The following DCC variants were observed in gnomAD, a reference collection of about 807,000 sequenced individuals.
The protein encoded by DCC is DCC netrin 1 receptor, also known as netrin receptor DCC.
DCC carries 58 observed loss-of-function variants against 172.5 expected under a neutral mutation model. That is an observed-to-expected ratio of 0.34 (90% CI 0.27 to 0.42). DCC has a LOEUF of 0.42. DCC is among the 10% of genes least tolerant of loss of function. The probability of loss-of-function intolerance (pLI) is 1.00; values close to 1 mark genes in which losing one functional copy is unlikely to be tolerated. For synonymous variants in DCC, 709 were observed against 644.5 expected (o/e 1.10, Z -1.52); for missense variants, 1,740 against 1,791.0 (o/e 0.97, Z 0.51).
At chr18:52,718,467 T>C (rs1268148096) in intron 1 of DCC, among the ~76,000 whole-genome samples, 1 of 151,964 alleles carries the variant, frequency 6.6e-6, no homozygotes, top group Non-Finnish European at 1.5e-5. Context: ...CTTATTTCTT[T>C]GAAGCTGCCT....
intron 15 of DCC, among the ~76,000 whole-genome samples, chr18:53,358,832 A>T (rs2057911865): frequency 6.6e-6 from 1 of 152,072 alleles, no homozygotes; most frequent in Non-Finnish European, 1.5e-5. Context: ...AAGACATATT[A>T]TCTAACATAT....
chr18:52,502,648 A>G (rs1178484876), intron 1 of DCC, among the ~76,000 whole-genome samples: 2 of 152,174 alleles, frequency 1.3e-5, no homozygotes, highest in Non-Finnish European at 2.9e-5. Context: ...GCAAATAGCC[A>G]ATCCATTGCT....
At chr18:53,239,995 A>G (rs2056264499) in intron 12 of DCC, among the ~76,000 whole-genome samples, 2 of 135,512 alleles carry the variant, frequency 1.5e-5, no homozygotes, top group Non-Finnish European at 3.0e-5. Context: ...ATAAAAAAAC[A>G]TTTAGACATT....
At chr18:52,739,531 C>A (rs1396359781) in intron 1 of DCC, among the ~76,000 whole-genome samples, 7 of 152,066 alleles carry the variant, frequency 4.6e-5, no homozygotes, top group African/African-American at 1.7e-4. Flanking sequence ...AAGAGAGGTA[C>A]AATAAAGGGC....
intron 8 of DCC, among the ~76,000 whole-genome samples, chr18:53,170,022 T>C (rs534723387): frequency 6.6e-6 from 1 of 152,166 alleles, no homozygotes; most frequent in East Asian, 1.9e-4. Context: ...TTACAGCTAT[T>C]AAAGCCTGGA....
intron 27 of DCC, among the ~76,000 whole-genome samples, chr18:53,513,959 A>G (rs1371091094): frequency 1.3e-5 from 2 of 151,144 alleles, no homozygotes; most frequent in East Asian, 3.9e-4. Flanking sequence ...TGCACCAAGC[A>G]GACCTAATAC....
At chr18:52,806,710 C>G (rs1252752075) in intron 2 of DCC, among the ~76,000 whole-genome samples, 3 of 152,166 alleles carry the variant, frequency 2.0e-5, no homozygotes, top group Non-Finnish European at 4.4e-5. Context: ...CACTTTATGG[C>G]TTCTTCCGGT....
intron 12 of DCC, among the ~76,000 whole-genome samples, chr18:53,260,120 G>A (rs1242657424): frequency 6.6e-6 from 1 of 151,920 alleles, no homozygotes; most frequent in Non-Finnish European, 1.5e-5. Context: ...TTTTTTCAAG[G>A]TTTTTAACTT....
At position 53,141,500 on chromosome 18, in the gene DCC, G is replaced by A. The variant is rs181308299; in HGVS notation, c.1262-15856G>A. On this transcript the variant is annotated intron_variant, in intron 7 of 28. Coordinates refer to ENST00000442544, the MANE Select transcript of DCC (RefSeq NM_005215.4). ...AGATTAGCCAGAATCCTAAATTGCC[G>A]TAAAGGACACACTAAATTGTCTGGA... is the stretch of plus-strand genomic sequence containing the variant. 2.3e-4 allele frequency among the ~76,000 whole-genome samples: 35 copies of A among 152,250 alleles called. No homozygotes were observed. The East Asian group carries it at 3.1e-3, about 13-fold the overall frequency.
chr18:52,861,971 T>C lies in DCC; in HGVS notation c.413-44073T>C, dbSNP rs145359420. Among the ~76,000 whole-genome samples the C allele has an allele frequency of 4.7e-4, 72 of 152,236 alleles. 1 individual carries two copies. The East Asian group carries it at 0.014, about 29-fold the overall frequency. ...ATAAAAGACTTAGAATAGCCACGGG[T>C]AAAGATACAACTGACAAGGAAACTT... On this transcript the variant is annotated intron_variant, in intron 2 of 28. Transcript: ENST00000442544.
chr18:52,584,722 G>A (rs1330325923), intron 1 of DCC, among the ~76,000 whole-genome samples: 2 of 148,292 alleles, frequency 1.3e-5, no homozygotes, highest in African/African-American at 2.5e-5. Context: ...TTTTTTTTTG[G>A]AGAGACATGG....
chr18:53,427,927 A>C (rs1440678647), intron 21 of DCC, among the ~76,000 whole-genome samples: 1 of 41,938 alleles, frequency 2.4e-5, no homozygotes, highest in African/African-American at 5.7e-5. Flanking sequence ...TATAATATAT[A>C]ATATAATATA....
intron 1 of DCC, among the ~76,000 whole-genome samples, chr18:52,523,766 G>A (rs1230843520): frequency 6.6e-6 from 1 of 152,108 alleles, no homozygotes; most frequent in Non-Finnish European, 1.5e-5. Flanking sequence ...ACAGGTTTTT[G>A]GCATGGGATC....
chr18:53,276,694 G>A (rs559681351), intron 12 of DCC, among the ~76,000 whole-genome samples: 1 of 152,212 alleles, frequency 6.6e-6, no homozygotes, highest in African/African-American at 2.4e-5. Flanking sequence ...AAAATCCAAG[G>A]GACCTCATGC....
At chr18:53,131,628 G>A (rs1243316369) in intron 7 of DCC, among the ~76,000 whole-genome samples, 2 of 152,082 alleles carry the variant, frequency 1.3e-5, no homozygotes, top group African/African-American at 4.8e-5. Flanking sequence ...AAGAACCTAT[G>A]ACATGCCCAT....
intron 7 of DCC, among the ~76,000 whole-genome samples, chr18:53,087,321 G>T (rs1237450351): frequency 6.6e-6 from 1 of 151,476 alleles, no homozygotes. Flanking sequence ...GTATCTCATT[G>T]TGGTTTTGAT....
At chr18:53,414,801 T>C (rs534944887) in intron 20 of DCC, among the ~76,000 whole-genome samples, 293 of 152,274 alleles carry the variant, frequency 1.9e-3, no homozygotes, top group Non-Finnish European at 3.5e-3. Flanking sequence ...TGAGCTGAGA[T>C]TGCACCACTG....
chr18:52,577,750 A>G (rs971983151), intron 1 of DCC, among the ~76,000 whole-genome samples: 23 of 152,310 alleles, frequency 1.5e-4, no homozygotes, highest in Middle Eastern at 3.4e-3. Context: ...AGAATCTTCC[A>G]TTTTGCATTG....
At chr18:52,536,922 G>A (rs1307010439) in intron 1 of DCC, among the ~76,000 whole-genome samples, 1 of 152,130 alleles carries the variant, frequency 6.6e-6, no homozygotes, top group Admixed American at 6.6e-5. Flanking sequence ...CTGAGAACCA[G>A]TTTAGTTATT....
Sources: allele counts gnomAD v4.1 joint callset (sites outside exome capture counted in the v4.1 genomes callset), GRCh38; gene constraint gnomAD v4.1.1; transcripts MANE v1.5; gene names NCBI Gene and HGNC (gene_info 2026-07-23, HGNC 2026-07-21).